Variants in NRG3 observed in about 807,000 individuals in gnomAD.
NRG3 encodes the protein neuregulin 3.
A neutral mutation model predicts 66.9 loss-of-function variants in NRG3; 31 were observed. The observed-to-expected ratio is 0.46, with a 90% CI of 0.35 to 0.63. The LOEUF is 0.63. Ranked by LOEUF, NRG3 falls within the 20% of genes least tolerant of loss-of-function variation. NRG3 has a pLI of 0.00. For synonymous variants in NRG3, 393 were observed against 359.4 expected, an observed-to-expected ratio of 1.09 and a Z score of -1.06; for missense variants, 910 against 878.9, an observed-to-expected ratio of 1.04 and a Z score of -0.45.
chr10:82,057,592 C>A (rs1281241015), intron 1 of NRG3, among the ~76,000 whole-genome samples: 2 of 152,088 alleles, frequency 1.3e-5, no homozygotes, highest in Non-Finnish European at 2.9e-5. Context: ...GAGGCCTTAG[C>A]AATCTATAAC....
At chr10:82,790,179 TGGGTACCCTGTTTCTTCATGTGAACTTA>T (rs1414152779) in intron 3 of NRG3, among the ~76,000 whole-genome samples, 1 of 152,162 alleles carries the variant, frequency 6.6e-6, no homozygotes, top group Non-Finnish European at 1.5e-5. Flanking sequence ...GTTATCTTTA[TGGGTACCCTGTTTCTTCATGTGAACTTA>T]GGGTACTGTC....
At chr10:82,918,304 A>C (rs576966) in intron 4 of NRG3, among the ~76,000 whole-genome samples, 84,857 of 151,768 alleles carry the variant, frequency 0.56, 24,172 homozygotes, top group African/African-American at 0.66. Context: ...ATTCAGATAG[A>C]CCTGAGTTTG....
At chr10:82,371,827 C>A (rs2084916068) in intron 2 of NRG3, among the ~76,000 whole-genome samples, 1 of 152,020 alleles carries the variant, frequency 6.6e-6, no homozygotes, top group Non-Finnish European at 1.5e-5. Context: ...AGGTGCCAGG[C>A]TTTTTTCAAC....
intron 3 of NRG3, among the ~76,000 whole-genome samples, chr10:82,750,843 A>G (rs1159239238): frequency 6.6e-6 from 1 of 152,114 alleles, no homozygotes; most frequent in African/African-American, 2.4e-5. Flanking sequence ...TGAGGGGTCA[A>G]GAGCAAAACA....
chr10:82,795,310 A>G (rs2060754574), intron 3 of NRG3, among the ~76,000 whole-genome samples: 1 of 152,212 alleles, frequency 6.6e-6, no homozygotes, highest in Admixed American at 6.5e-5. Flanking sequence ...TGTGAAACAT[A>G]TCATCAAGAC....
chr10:82,834,470 G>A (rs1470840334), intron 3 of NRG3, among the ~76,000 whole-genome samples: 2 of 152,124 alleles, frequency 1.3e-5, no homozygotes, highest in Non-Finnish European at 2.9e-5. Flanking sequence ...TGTCACAGTA[G>A]AGTAACAGCG....
chr10:82,292,891 G>A (rs1394175183), intron 1 of NRG3, among the ~76,000 whole-genome samples: 1 of 152,152 alleles, frequency 6.6e-6, no homozygotes, highest in Non-Finnish European at 1.5e-5. Context: ...TCCTTATGGT[G>A]AAGGAATATT....
At chr10:82,801,132 A>G (rs2061017728) in intron 3 of NRG3, among the ~76,000 whole-genome samples, 1 of 152,194 alleles carries the variant, frequency 6.6e-6, no homozygotes, top group Non-Finnish European at 1.5e-5. Flanking sequence ...GAACATGCCT[A>G]TTAGGCAGAC....
chr10:82,519,822 G>C (rs146272407), intron 2 of NRG3, among the ~76,000 whole-genome samples: 1,723 of 152,264 alleles, frequency 0.011, 12 homozygotes, highest in Non-Finnish European at 0.018. Context: ...CCAAACTGGG[G>C]AAGAATTAGT....
At chr10:82,227,387 CATT>C (rs748620902) in intron 1 of NRG3, among the ~76,000 whole-genome samples, 8 of 151,624 alleles carry the variant, frequency 5.3e-5, no homozygotes, top group East Asian at 1.9e-4. Flanking sequence ...ACAACTGGCT[CATT>C]ATTATTATTA....
chr10:82,211,741 T>C (rs1018165609), intron 1 of NRG3, among the ~76,000 whole-genome samples: 8 of 152,160 alleles, frequency 5.3e-5, no homozygotes, highest in Non-Finnish European at 8.8e-5. Context: ...AAAGTAAAAT[T>C]CAGTTGAGTG....
intron 1 of NRG3, among the ~76,000 whole-genome samples, chr10:82,209,020 A>AGAATGGGTG (rs547715026): frequency 1.1e-3 from 172 of 152,310 alleles, no homozygotes; most frequent in African/African-American, 3.8e-3. Flanking sequence ...AGGGAAAAAA[A>AGAATGGGTG]GAATGGGTGG....
chr10:82,232,449 T>C (rs914696478), intron 1 of NRG3: 3 of 278,906 alleles, frequency 1.1e-5, no homozygotes, highest in African/African-American at 6.6e-5. Flanking sequence ...CCTCCTGACA[T>C]CCCCACTCCC....
At chr10:82,284,121 A>G (rs559167737) in intron 1 of NRG3, among the ~76,000 whole-genome samples, 47 of 152,320 alleles carry the variant, frequency 3.1e-4, no homozygotes, top group African/African-American at 1.1e-3. Context: ...GTTAGTGACA[A>G]ATGTACCCAC....
chr10:82,513,016 T>C (rs574950153), intron 2 of NRG3, among the ~76,000 whole-genome samples: 101 of 152,306 alleles, frequency 6.6e-4, no homozygotes, highest in African/African-American at 2.3e-3. Context: ...CATAGGTAAA[T>C]GTGTGCCATG....
intron 1 of NRG3, among the ~76,000 whole-genome samples, chr10:82,284,486 T>G (rs2079302299): frequency 6.6e-6 from 1 of 152,330 alleles, no homozygotes; most frequent in East Asian, 1.9e-4. Context: ...GTGAGGAGTT[T>G]ATTAACAAGA....
intron 2 of NRG3, among the ~76,000 whole-genome samples, chr10:82,725,410 C>T (rs553475355): frequency 6.6e-6 from 1 of 152,302 alleles, no homozygotes; most frequent in Admixed American, 6.5e-5. Context: ...TCATATTCTA[C>T]CCTTGCACAC....
chr10:82,031,474 C>A lies in NRG3; in HGVS notation c.823+155311C>A, dbSNP rs139033450. Among the ~76,000 whole-genome samples the A allele has an allele frequency of 4.6e-3, 700 of 152,146 alleles. 4 individuals carry two copies. The highest frequency in any genetic ancestry group is 0.014 in the African/African-American group (586 of 41,538). ...TAGAAATTACTTGATTATCCAAGTG[C>A]CTGCACTTATCGAATGAAATAGAAA... On this transcript the variant is annotated intron_variant, in intron 1 of 8. Transcript: ENST00000372141.
At chr10:82,044,420 A>G (rs1337624119) in intron 1 of NRG3, among the ~76,000 whole-genome samples, 3 of 151,934 alleles carry the variant, frequency 2.0e-5, no homozygotes, top group Non-Finnish European at 2.9e-5. Context: ...CAAAACTAAC[A>G]TGCACATCTA....
Sources: allele counts gnomAD v4.1 joint callset (sites outside exome capture counted in the v4.1 genomes callset), GRCh38; gene constraint gnomAD v4.1.1; transcripts MANE v1.5; gene names NCBI Gene and HGNC (gene_info 2026-07-23, HGNC 2026-07-21).